The following RPS6KB1 variants were observed in gnomAD, a reference collection of about 807,000 sequenced individuals.
RPS6KB1 encodes the protein ribosomal protein S6 kinase beta-1.
RPS6KB1 carries 12 observed loss-of-function variants against 70.2 expected under a neutral mutation model. That is an observed-to-expected ratio of 0.17 (90% CI 0.11 to 0.28). The LOEUF is 0.28. Ranked by LOEUF, RPS6KB1 falls within the 10% of genes least tolerant of loss-of-function variation. The probability of loss-of-function intolerance (pLI) is 1.00; values close to 1 mark genes in which losing one functional copy is unlikely to be tolerated. For synonymous variants in RPS6KB1, 175 were observed against 211.2 expected (o/e 0.83, Z 1.49); for missense variants, 270 against 646.6 (o/e 0.42, Z 6.32).
chr17:59,898,929 G>A (rs1319273024), intron 1 of RPS6KB1, among the ~76,000 whole-genome samples: 2 of 151,658 alleles, frequency 1.3e-5, no homozygotes, highest in Non-Finnish European at 2.9e-5. Flanking sequence ...CTGGCCAGGC[G>A]GGGTGGCTCA....
At position 59,947,415 on chromosome 17, in the gene RPS6KB1, G is replaced by A. The variant is rs2044989180; in HGVS notation, c.*627G>A. On this transcript the variant is annotated 3_prime_UTR_variant, in exon 15 of 15. Coordinates refer to ENST00000225577, the MANE Select transcript of RPS6KB1 (RefSeq NM_003161.4). Reference sequence around the variant, plus strand: ...GTGTGAAGAAAGCCAGACAACTTCTGTTTCTTCTCTTGGTGAAATAATAAA... The same window carrying A: ...GTGTGAAGAAAGCCAGACAACTTCTATTTCTTCTCTTGGTGAAATAATAAA... The A allele has an allele frequency of 1.6e-6, 2 of 1,274,754 alleles. No homozygotes were observed. Among genetic ancestry groups the A allele is most frequent in the South Asian group, 6.4e-5 (2 of 31,412 alleles). 79.0% of individuals were successfully genotyped at this position (1,274,754 alleles called of 1,614,324 possible).
At chr17:59,943,885 A>ATT in intron 13 of RPS6KB1, among the ~76,000 whole-genome samples, 3 of 131,650 alleles carry the variant, frequency 2.3e-5, no homozygotes, top group African/African-American at 8.5e-5. Context: ...AAAAAAAAAA[A>ATT]AAAATTATAT....
intron 1 of RPS6KB1, among the ~76,000 whole-genome samples, chr17:59,905,817 C>CT (rs922071905): frequency 4.7e-5 from 7 of 150,112 alleles, no homozygotes; most frequent in Non-Finnish European, 5.9e-5. Flanking sequence ...TTGGGAGGAC[C>CT]TTTTTTTTAT....
At chr17:59,917,508 C>T (rs1305477445) in intron 4 of RPS6KB1, among the ~76,000 whole-genome samples, 2 of 151,730 alleles carry the variant, frequency 1.3e-5, no homozygotes, top group African/African-American at 2.4e-5. Flanking sequence ...TGTGATCATA[C>T]TTCACTGTAA....
intron 4 of RPS6KB1, among the ~76,000 whole-genome samples, chr17:59,921,945 T>A (rs1053770991): frequency 1.3e-5 from 2 of 152,194 alleles, no homozygotes; most frequent in African/African-American, 4.8e-5. Flanking sequence ...AAATTTTAGT[T>A]AATAAATTTT....
At chr17:59,901,802 A>G (rs1292318509) in intron 1 of RPS6KB1, among the ~76,000 whole-genome samples, 1 of 151,648 alleles carries the variant, frequency 6.6e-6, no homozygotes, top group Non-Finnish European at 1.5e-5. Flanking sequence ...AGGCCGAGGC[A>G]GGAGGATCAC....
At chr17:59,944,791 CTTTT>C (rs3066277) in intron 13 of RPS6KB1, among the ~76,000 whole-genome samples, 6 of 134,490 alleles carry the variant, frequency 4.5e-5, no homozygotes, top group African/African-American at 1.6e-4. Flanking sequence ...TATTTAACAT[CTTTT>C]TTTTTTTTTT....
chr17:59,938,909 C>A (rs558283013), intron 12 of RPS6KB1, among the ~76,000 whole-genome samples: 57 of 152,214 alleles, frequency 3.7e-4, no homozygotes, highest in African/African-American at 1.3e-3. Flanking sequence ...TACAGCTAAG[C>A]GTTAATAGGC....
At chr17:59,932,847 C>T (rs2044007140) in intron 7 of RPS6KB1, among the ~76,000 whole-genome samples, 1 of 152,154 alleles carries the variant, frequency 6.6e-6, no homozygotes, top group Non-Finnish European at 1.5e-5. Flanking sequence ...CCCACCTTCC[C>T]CCCAGCCAGA....
intron 13 of RPS6KB1, among the ~76,000 whole-genome samples, chr17:59,943,612 C>T (rs2044742129): frequency 6.6e-6 from 1 of 152,014 alleles, no homozygotes; most frequent in Non-Finnish European, 1.5e-5. Context: ...GGTGCAGTGG[C>T]TCACGCCTGT....
intron 1 of RPS6KB1, among the ~76,000 whole-genome samples, chr17:59,902,044 C>T (rs1394919674): frequency 1.4e-5 from 2 of 142,500 alleles, no homozygotes; most frequent in African/African-American, 5.2e-5. Context: ...TTTTTCTGGA[C>T]ATTCCATATA....
At chr17:59,905,450 A>G (rs1372198291) in intron 1 of RPS6KB1, among the ~76,000 whole-genome samples, 2 of 151,400 alleles carry the variant, frequency 1.3e-5, no homozygotes, top group Non-Finnish European at 2.9e-5. Context: ...GATCATGAAG[A>G]TTTACTCCCT....
rs770364465 is a variant in RPS6KB1, at chr17:59,946,730, A to T, written c.1520A>T (p.Lys507Ile). 1 of 1,614,098 alleles carries T rather than the reference A, an allele frequency of 6.2e-7. No homozygotes were observed. Among genetic ancestry groups the T allele is most frequent in the East Asian group, 2.2e-5 (1 of 44,888 alleles). Residue 507 changes from lysine to isoleucine, a missense_variant, in exon 15 of 15, where the codon AAA (lysine) becomes ATA (isoleucine). By Grantham distance (102) the Lys-to-Ile change is moderately radical (BLOSUM62 -3). Around this residue, in one of 4 missense-constraint regions of RPS6KB1, gnomAD observed 133 missense variants for 314.7 expected, o/e 0.42. Transcript: ENST00000225577. This position sits in a 1 kb window ranked among gnomAD's most constrained non-coding sequence, Gnocchi z 4.2. ...CGACAGCCGAACTCTGGGCCATACA[A>T]AAAACAAGCTTTTCCCATGATCTCC... ...PIRQPNSGPY[K>I]KQAFPMISKR...
intron 4 of RPS6KB1, among the ~76,000 whole-genome samples, chr17:59,922,304 G>A (rs1484443181): frequency 6.6e-6 from 1 of 152,006 alleles, no homozygotes; most frequent in African/African-American, 2.4e-5. Flanking sequence ...GCCTCCCAAA[G>A]TGTTGAGATT....
rs768894684 is a variant in RPS6KB1, at chr17:59,947,566, T to G, written c.*778T>G. The G allele has an allele frequency of 2.2e-5, 34 of 1,538,438 alleles. No homozygotes were observed. The Middle Eastern group carries it at 6.7e-4, about 30-fold the overall frequency. ...ATATGAGAAAAAAAAAATGAATCTATTTAATCATTTCTACTTGCAGTACTG... is the reference window on the plus strand; with the variant it reads ...ATATGAGAAAAAAAAAATGAATCTAGTTAATCATTTCTACTTGCAGTACTG... On this transcript the variant is annotated 3_prime_UTR_variant, in exon 15 of 15. Transcript: ENST00000225577.
intron 12 of RPS6KB1, among the ~76,000 whole-genome samples, chr17:59,936,922 G>A (rs2044278336): frequency 1.3e-5 from 2 of 152,112 alleles, no homozygotes; most frequent in Admixed American, 6.6e-5. Flanking sequence ...GCAGCAGCAC[G>A]ATCACAGTTC....
At chr17:59,927,442 G>A (rs539684086) in intron 5 of RPS6KB1, among the ~76,000 whole-genome samples, 3 of 152,046 alleles carry the variant, frequency 2.0e-5, no homozygotes, top group South Asian at 2.1e-4. Flanking sequence ...TTGCAGTAAC[G>A]TGTAACATGG....
rs1371815110 is a variant in RPS6KB1 at position 59,949,833 on chromosome 17, TTAGA to T, written c.*3049_*3052del. The T allele has an allele frequency of 6.8e-6, 1 of 148,094 alleles. No individual in the cohort carries two copies. The highest frequency in any genetic ancestry group is 1.5e-5 in the Non-Finnish European group (1 of 67,198). The allele number at this position is 148,094 out of a possible 1,614,324, so 9.2% of individuals were successfully genotyped here. ...TGAATGATTATAAACAAGATGCATC[TTAGA>T]TAGTATTAATATACTGAGCCTTGGA... is the stretch of plus-strand genomic sequence containing the variant. On this transcript the variant is annotated 3_prime_UTR_variant, in exon 15 of 15. Transcript: ENST00000225577.
intron 14 of RPS6KB1, 32 bp downstream of exon 14, chr17:59,945,550 GTT>G: frequency 8.2e-7 from 1 of 1,226,698 alleles, no homozygotes; most frequent in Non-Finnish European, 1.2e-6. Context: ...ACTTTTTTTT[GTT>G]TTTAAACAAC....
Sources: gnomAD v4.1 joint callset for allele counts (sites outside exome capture counted in the v4.1 genomes callset) on GRCh38, gnomAD v4.1.1 for gene constraint, gnomAD v4.1.1 regional missense constraint, Gnocchi (gnomAD v3.1) non-coding constraint, MANE v1.5 for transcripts, NCBI Gene and HGNC (gene_info 2026-07-23, HGNC 2026-07-21) for gene names.